Variants in PRKCQ observed in about 807,000 individuals in gnomAD.
PRKCQ encodes the protein protein kinase C theta.
Under a neutral mutation model 91.2 loss-of-function variants are expected in PRKCQ, and 41 were observed. The observed-to-expected ratio is 0.45, with a 90% CI of 0.35 to 0.58. PRKCQ has a LOEUF of 0.58. Ranked by LOEUF, PRKCQ falls within the 20% of genes least tolerant of loss-of-function variation. The pLI is 0.00. For missense variants in PRKCQ, 673 were observed against 896.5 expected, an observed-to-expected ratio of 0.75 and a Z score of 3.18; for synonymous variants, 307 against 316.9, an observed-to-expected ratio of 0.97 and a Z score of 0.33.
intron 1 of PRKCQ, among the ~76,000 whole-genome samples, chr10:6,572,101 C>T (rs554948762): frequency 1.3e-5 from 2 of 152,336 alleles, no homozygotes; most frequent in East Asian, 3.9e-4. Context: ...GATCCAGGCC[C>T]AGGGCATGAC....
the PRKCQ span, among the ~76,000 whole-genome samples, chr10:6,394,591 C>T: frequency 6.6e-6 from 1 of 152,332 alleles, no homozygotes; most frequent in Admixed American, 6.5e-5. Flanking sequence ...CCAGGGGCAC[C>T]GGCTTTCTCA....
chr10:6,556,793 A>G (rs1840438105), intron 1 of PRKCQ, among the ~76,000 whole-genome samples: 1 of 152,178 alleles, frequency 6.6e-6, no homozygotes, highest in African/African-American at 2.4e-5. Flanking sequence ...CCAATTTCCT[A>G]AACGGGCTGT....
At chr10:6,482,976 G>A (rs1836691919) in intron 11 of PRKCQ, among the ~76,000 whole-genome samples, 1 of 151,992 alleles carries the variant, frequency 6.6e-6, no homozygotes, top group South Asian at 2.1e-4. Flanking sequence ...TTTGGGTGGG[G>A]ACACAGAGCC....
At chr10:6,560,848 G>T (rs1296114963) in intron 1 of PRKCQ, among the ~76,000 whole-genome samples, 1 of 151,952 alleles carries the variant, frequency 6.6e-6, no homozygotes, top group Non-Finnish European at 1.5e-5. Context: ...GACCATCCTG[G>T]CTAACACAGT....
intron 12 of PRKCQ, among the ~76,000 whole-genome samples, chr10:6,473,968 T>C (rs745413553): frequency 1.3e-5 from 2 of 152,100 alleles, no homozygotes; most frequent in Admixed American, 1.3e-4. Context: ...TATTATTATT[T>C]TTCACGTTAT....
At chr10:6,431,674 C>T (rs1833435914) in intron 16 of PRKCQ, among the ~76,000 whole-genome samples, 1 of 152,210 alleles carries the variant, frequency 6.6e-6, no homozygotes, top group Non-Finnish European at 1.5e-5. Flanking sequence ...TGATTTCTTA[C>T]AAAGCTGCAT....
intron 15 of PRKCQ, among the ~76,000 whole-genome samples, chr10:6,454,505 G>A (rs1383840393): frequency 1.3e-5 from 2 of 152,142 alleles, no homozygotes; most frequent in East Asian, 3.8e-4. Flanking sequence ...TCCAATTATA[G>A]AAGGTGTTGG....
In PRKCQ at chr10:6,465,446, C is replaced by T. The variant is rs1835599326; in HGVS notation, c.1354-1042G>A. ...CAGCCAGGATTGTAACCAGCCTCAGCAACTCAATGATGTGAGACAATTTTT... is the reference window on the plus strand; with the variant it reads ...CAGCCAGGATTGTAACCAGCCTCAGTAACTCAATGATGTGAGACAATTTTT... On this transcript the variant is annotated intron_variant, in intron 12 of 17. Coordinates refer to ENST00000263125, the MANE Select transcript of PRKCQ (RefSeq NM_006257.5). The surrounding 1 kb of genome is among the most constrained non-coding windows in gnomAD (Gnocchi z 4.4). Among the ~76,000 whole-genome samples, 1 of 152,152 alleles carries T rather than the reference C, an allele frequency of 6.6e-6. No individual in the cohort carries two copies. Among genetic ancestry groups the T allele is most frequent in the Non-Finnish European group, 1.5e-5 (1 of 68,028 alleles).
intron 15 of PRKCQ, among the ~76,000 whole-genome samples, chr10:6,449,182 T>C (rs1029054421): frequency 2.7e-5 from 4 of 149,170 alleles, no homozygotes; most frequent in Non-Finnish European, 4.4e-5. Flanking sequence ...TTGAAAACTT[T>C]GAAAAAAATT....
chr10:6,487,940 G>A (rs942161149), intron 8 of PRKCQ, among the ~76,000 whole-genome samples: 1 of 151,552 alleles, frequency 6.6e-6, no homozygotes, highest in Non-Finnish European at 1.5e-5. Flanking sequence ...GGGAGGCGGA[G>A]GTTGCAGTGA....
chr10:6,429,354 C>T (rs1268045559), intron 17 of PRKCQ, among the ~76,000 whole-genome samples: 1 of 152,148 alleles, frequency 6.6e-6, no homozygotes, highest in South Asian at 2.1e-4. Context: ...ATGACTAACC[C>T]ACGTATTAGA....
intron 1 of PRKCQ, among the ~76,000 whole-genome samples, chr10:6,517,504 C>A (rs10906769): frequency 6.8e-6 from 1 of 146,322 alleles, no homozygotes; most frequent in East Asian, 2.1e-4. Flanking sequence ...GCTCTACGAT[C>A]TGCGTTACTA....
At chr10:6,485,577 C>G (rs1289711249) in intron 9 of PRKCQ, among the ~76,000 whole-genome samples, 1 of 152,188 alleles carries the variant, frequency 6.6e-6, no homozygotes, top group Non-Finnish European at 1.5e-5. Context: ...ACAGCTGATA[C>G]AGGCAATGCC....
At chr10:6,504,126 A>G (rs992868516) in intron 4 of PRKCQ, among the ~76,000 whole-genome samples, 2 of 152,196 alleles carry the variant, frequency 1.3e-5, no homozygotes, top group African/African-American at 4.8e-5. Flanking sequence ...CTTAACAGGC[A>G]TTCTGTAGAT....
intron 1 of PRKCQ, among the ~76,000 whole-genome samples, chr10:6,559,402 C>G (rs551189089): frequency 1.3e-5 from 2 of 152,206 alleles, no homozygotes; most frequent in East Asian, 3.9e-4. Context: ...GCTCTGCCAC[C>G]CAGGCTGGAG....
the PRKCQ span, among the ~76,000 whole-genome samples, chr10:6,419,032 AC>A: frequency 7.0e-6 from 1 of 142,648 alleles, no homozygotes; most frequent in Non-Finnish European, 1.6e-5. Flanking sequence ...TCATCTATCT[AC>A]CTATCATCCA....
At chr10:6,415,117 C>T in the PRKCQ span, among the ~76,000 whole-genome samples, 1,011 of 151,954 alleles carry the variant, frequency 6.7e-3, 14 homozygotes, top group African/African-American at 0.023. Flanking sequence ...TGTGAGCCAC[C>T]ATGCCCAGCT....
rs577344935 is a variant in PRKCQ at position 6,432,653 on chromosome 10, G to C, written c.1837-1715C>G. Among the ~76,000 whole-genome samples the C allele has an allele frequency of 8.5e-5, 13 of 152,248 alleles. No homozygotes were observed. The East Asian group carries it at 2.5e-3, about 29-fold the overall frequency. ...AAGTTTTCTGAGTCTCAGTTTCCTC[G>C]TGTGTAAAGGAAGGGCTAGACAAGG... On this transcript the variant is annotated intron_variant, in intron 16 of 17. Coordinates refer to ENST00000263125, the MANE Select transcript of PRKCQ (RefSeq NM_006257.5).
chr10:6,518,918 T>G (rs1488996282), intron 1 of PRKCQ, among the ~76,000 whole-genome samples: 1 of 152,248 alleles, frequency 6.6e-6, no homozygotes, highest in African/African-American at 2.4e-5. Flanking sequence ...TTACTTAATG[T>G]TGGTAAGGAC....
Sources: allele counts gnomAD v4.1 joint callset (sites outside exome capture counted in the v4.1 genomes callset), GRCh38; gene constraint gnomAD v4.1.1; non-coding constraint Gnocchi (gnomAD v3.1); transcripts MANE v1.5; gene names NCBI Gene and HGNC (gene_info 2026-07-23, HGNC 2026-07-21).